Variants in SLC1A1 observed in about 807,000 individuals in gnomAD.
The protein encoded by SLC1A1 is solute carrier family 1 member 1, also known as excitatory amino acid transporter 3.
In SLC1A1, 43 loss-of-function variants were observed where a neutral mutation model predicts 53.3. The ratio of observed to expected loss-of-function variants is 0.81; its 90% CI spans 0.63 to 1.04. The LOEUF (loss-of-function observed/expected upper bound fraction) is 1.04, where lower values mean the gene tolerates loss of function less well. SLC1A1 is among the 50% of genes least tolerant of loss of function. The probability of loss-of-function intolerance (pLI) is 0.00; values close to 1 mark genes in which losing one functional copy is unlikely to be tolerated. For missense variants in SLC1A1, 748 were observed against 664.9 expected (o/e 1.12, Z -1.37); for synonymous variants, 307 against 243.2 (o/e 1.26, Z -2.44).
At chr9:4,545,075 A>G (rs1364041372) in intron 2 of SLC1A1, among the ~76,000 whole-genome samples, 1 of 152,184 alleles carries the variant, frequency 6.6e-6, no homozygotes, top group Non-Finnish European at 1.5e-5. Context: ...ACAATTCAAG[A>G]TGAGATTTGG....
intron 3 of SLC1A1, among the ~76,000 whole-genome samples, chr9:4,563,953 A>C (rs1323065502): frequency 6.6e-6 from 1 of 152,194 alleles, no homozygotes; most frequent in Non-Finnish European, 1.5e-5. Flanking sequence ...CATCAGATGC[A>C]TTCTCTGGGC....
intron 2 of SLC1A1, among the ~76,000 whole-genome samples, chr9:4,550,788 T>C (rs1282012005): frequency 6.6e-6 from 1 of 152,124 alleles, no homozygotes; most frequent in African/African-American, 2.4e-5. Flanking sequence ...CATATGTGAG[T>C]TGGTTGCCTT....
At chr9:4,517,422 C>T (rs1389276160) in intron 1 of SLC1A1, among the ~76,000 whole-genome samples, 1 of 152,188 alleles carries the variant, frequency 6.6e-6, no homozygotes, top group Non-Finnish European at 1.5e-5. Flanking sequence ...CTCTCTTTGA[C>T]CTCACAACAT....
Position 4,544,720 on chromosome 9 carries a change from A to G in SLC1A1, c.232+13A>G. 3.1e-6 allele frequency: 5 copies of G among 1,607,048 alleles called. No homozygotes were observed. Among genetic ancestry groups the G allele is most frequent in the Non-Finnish European group, 4.3e-6 (5 of 1,173,856 alleles). On this transcript the variant is annotated intron_variant, in intron 2 of 11. Coordinates refer to ENST00000262352, the MANE Select transcript of SLC1A1 (RefSeq NM_004170.6). The stretch of plus-strand genomic sequence containing the variant: ...AGCATGATTACAGGTACCTTGAGAA[A>G]ACAGATGTTCTCTATATTAGTCCAT...
intron 1 of SLC1A1, among the ~76,000 whole-genome samples, chr9:4,505,899 C>T (rs1420955855): frequency 6.6e-6 from 1 of 152,212 alleles, no homozygotes; most frequent in African/African-American, 2.4e-5. Context: ...ACTCAGCTCA[C>T]TGCAACCTCC....
At chr9:4,537,865 G>T (rs1018561924) in intron 1 of SLC1A1, among the ~76,000 whole-genome samples, 6 of 151,996 alleles carry the variant, frequency 3.9e-5, no homozygotes, top group Non-Finnish European at 5.9e-5. Context: ...GTACAACATT[G>T]TATGTTAAAA....
intron 1 of SLC1A1, among the ~76,000 whole-genome samples, chr9:4,511,931 T>A (rs889198594): frequency 1.3e-5 from 2 of 152,206 alleles, no homozygotes; most frequent in African/African-American, 4.8e-5. Context: ...GTTAACAATG[T>A]ACAACTGAAA....
intron 1 of SLC1A1, among the ~76,000 whole-genome samples, chr9:4,531,921 C>A (rs1394125157): frequency 6.6e-6 from 1 of 152,184 alleles, no homozygotes; most frequent in Non-Finnish European, 1.5e-5. Context: ...TCTGCAGTCT[C>A]CGCTGCTGAT....
intron 1 of SLC1A1, among the ~76,000 whole-genome samples, chr9:4,532,626 T>A (rs1308279059): frequency 6.6e-6 from 1 of 152,166 alleles, no homozygotes; most frequent in Non-Finnish European, 1.5e-5. Context: ...GGAACCAAGT[T>A]GGAAAACACT....
intron 1 of SLC1A1, among the ~76,000 whole-genome samples, chr9:4,498,446 A>C (rs1586687677): frequency 6.6e-6 from 1 of 152,298 alleles, no homozygotes; most frequent in East Asian, 1.9e-4. Context: ...CACTAAATAA[A>C]ATAATAGTTT....
intron 1 of SLC1A1, among the ~76,000 whole-genome samples, chr9:4,518,232 C>T (rs1441978564): frequency 1.7e-5 from 1 of 59,426 alleles, no homozygotes; most frequent in African/African-American, 5.3e-5. Context: ...GATATTCCAC[C>T]TCAAAAAAAA....
chr9:4,568,728 GC>G (rs1458790104), intron 6 of SLC1A1, among the ~76,000 whole-genome samples: 2 of 150,920 alleles, frequency 1.3e-5, no homozygotes, highest in Non-Finnish European at 3.0e-5. Flanking sequence ...ACACAAAAAA[GC>G]ATCATATTGA....
chr9:4,519,922 G>C (rs1253897778), intron 1 of SLC1A1, among the ~76,000 whole-genome samples: 3 of 152,224 alleles, frequency 2.0e-5, no homozygotes, highest in Admixed American at 2.0e-4. Flanking sequence ...ATTAATGACA[G>C]TTGATTTTTT....
In SLC1A1 at chr9:4,576,121, C is replaced by T. The variant is rs768968896; in HGVS notation, c.996C>T (p.Ser332=). The T allele has an allele frequency of 6.8e-6, 11 of 1,613,562 alleles. No homozygotes were observed. In the African/African-American group the frequency reaches 1.5e-4, roughly 22 times the overall value. The change falls in exon 9 of 12, where the codon TCC becomes TCT. Residue 332 remains serine, a splice_region_variant and synonymous_variant. Coordinates refer to ENST00000262352, the MANE Select transcript of SLC1A1 (RefSeq NM_004170.6). ...TCCTGACAGCTCTCATGATCTCTTC[C>T]AGGTAAACAGAAGAGGGGTTTCTGG... ...QALLTALMIS[S]SSATLPVTFR...
rs564322284 is a variant in SLC1A1, at chr9:4,538,353, T to G, written c.92-6214T>G. Reference sequence around the variant, plus strand: ...TAGGTAAGAGACAAAGGTTGCATTCTTTTGAGTTTCTGATTAGCCTTTCCA... The same window carrying G: ...TAGGTAAGAGACAAAGGTTGCATTCGTTTGAGTTTCTGATTAGCCTTTCCA... On this transcript the variant is annotated intron_variant, in intron 1 of 11. Coordinates refer to ENST00000262352, the MANE Select transcript of SLC1A1 (RefSeq NM_004170.6). 2.2e-4 allele frequency among the ~76,000 whole-genome samples: 34 copies of G among 152,352 alleles called. 1 individual carries two copies. In the South Asian group the frequency reaches 7.0e-3, roughly 32 times the overall value.
intron 9 of SLC1A1, among the ~76,000 whole-genome samples, 175 bp from the exon 10 acceptor site, chr9:4,576,394 G>T (rs543607128): frequency 6.6e-6 from 1 of 152,280 alleles, no homozygotes; most frequent in South Asian, 2.1e-4. Context: ...CTGCCTAAAG[G>T]GCTAGCATGA....
intron 10 of SLC1A1, among the ~76,000 whole-genome samples, chr9:4,582,684 A>T (rs1586868159): frequency 6.6e-6 from 1 of 152,232 alleles, no homozygotes; most frequent in East Asian, 1.9e-4. Context: ...TACATAGATG[A>T]GTACACGAAG....
At chr9:4,515,874 C>T (rs1318254194) in intron 1 of SLC1A1, among the ~76,000 whole-genome samples, 1 of 152,186 alleles carries the variant, frequency 6.6e-6, no homozygotes, top group African/African-American at 2.4e-5. Context: ...GCCTTCTGTC[C>T]TGTGTGTTTC....
At chr9:4,550,142 G>A (rs1053856074) in intron 2 of SLC1A1, among the ~76,000 whole-genome samples, 1 of 152,164 alleles carries the variant, frequency 6.6e-6, no homozygotes, top group Non-Finnish European at 1.5e-5. Flanking sequence ...TTAAACACTA[G>A]ACGTCAGGAG....
Sources: allele counts gnomAD v4.1 joint callset (sites outside exome capture counted in the v4.1 genomes callset), GRCh38; gene constraint gnomAD v4.1.1; transcripts MANE v1.5; gene names NCBI Gene and HGNC (gene_info 2026-07-23, HGNC 2026-07-21).